The following TBC1D4 variants were observed in gnomAD, a reference collection of about 807,000 sequenced individuals.
The protein encoded by TBC1D4 is TBC1 domain family member 4.
In TBC1D4, 121 loss-of-function variants were observed where a neutral mutation model predicts 142.5. The observed-to-expected ratio is 0.85, with a 90% CI of 0.73 to 0.99. The LOEUF is 0.99. Among genes scored for constraint, TBC1D4 ranks in the 50% least tolerant of loss-of-function variants. TBC1D4 has a pLI of 0.00. For missense variants in TBC1D4, 1,475 were observed against 1,606.6 expected, an observed-to-expected ratio of 0.92 and a Z score of 1.40; for synonymous variants, 630 against 628.2, an observed-to-expected ratio of 1.00 and a Z score of -0.04.
chr13:75,407,224 T>C (rs896358376), intron 1 of TBC1D4, among the ~76,000 whole-genome samples: 3 of 152,228 alleles, frequency 2.0e-5, no homozygotes, highest in African/African-American at 7.2e-5. Context: ...CCAAGAATAT[T>C]TATCTGAGTG....
Position 75,481,758 on chromosome 13 carries a change from G to A in TBC1D4, c.10C>T (p.Pro4Ser). The stretch of plus-strand genomic sequence containing the variant: ...AACGGCTCATCCTGAATGCAGCTGG[G>A]CGGCTCCATAACTCTCGCCTCACCA... MEP[P>S]SCIQDEPFPH... Residue 4 changes from proline (P) to serine (S), a missense_variant, in exon 1 of 21, where the codon CCC (proline) becomes TCC (serine). Pro to Ser is a moderately conservative substitution (Grantham distance 74, BLOSUM62 -1). Around this residue, in one of 2 missense-constraint regions of TBC1D4, gnomAD observed 1,227 missense variants for 1,267.7 expected, o/e 0.97. Transcript: ENST00000377636. 1 of 1,584,846 alleles carries A rather than the reference G, an allele frequency of 6.3e-7. No individual in the cohort carries two copies. The highest frequency in any genetic ancestry group is 1.1e-5 in the South Asian group (1 of 87,148).
At chr13:75,345,456 A>G (rs1267576637) in intron 5 of TBC1D4, among the ~76,000 whole-genome samples, 3 of 152,228 alleles carry the variant, frequency 2.0e-5, no homozygotes, top group Non-Finnish European at 4.4e-5. Context: ...GTGACTCACA[A>G]GTCCTTCTTT....
chr13:75,455,582 CTTTT>C (rs1344279123), intron 1 of TBC1D4, among the ~76,000 whole-genome samples: 1 of 151,964 alleles, frequency 6.6e-6, no homozygotes, highest in Non-Finnish European at 1.5e-5. Flanking sequence ...AAAATATATA[CTTTT>C]TTTAATTCAC....
chr13:75,357,082 G>C (rs992449614), intron 3 of TBC1D4, among the ~76,000 whole-genome samples: 2 of 152,164 alleles, frequency 1.3e-5, no homozygotes, highest in African/African-American at 4.8e-5. Flanking sequence ...ATGTGATATT[G>C]CGCTGGGTTG....
chr13:75,360,078 G>A (rs1882377144), intron 2 of TBC1D4, among the ~76,000 whole-genome samples: 1 of 139,234 alleles, frequency 7.2e-6, no homozygotes, highest in Non-Finnish European at 1.6e-5. Flanking sequence ...TGAAAATTAA[G>A]TTAGTCTTCA....
At chr13:75,403,178 G>C (rs1346031862) in intron 1 of TBC1D4, among the ~76,000 whole-genome samples, 1 of 152,198 alleles carries the variant, frequency 6.6e-6, no homozygotes, top group Non-Finnish European at 1.5e-5. Context: ...GGTACCAGGA[G>C]ATCCTGGGTC....
At chr13:75,373,792 T>A (rs892820541) in intron 1 of TBC1D4, among the ~76,000 whole-genome samples, 1 of 152,190 alleles carries the variant, frequency 6.6e-6, no homozygotes, top group African/African-American at 2.4e-5. Context: ...GAAAAGGCAT[T>A]TTCAGAGCTG....
intron 15 of TBC1D4, among the ~76,000 whole-genome samples, chr13:75,304,728 C>T (rs1041444203): frequency 1.3e-5 from 2 of 150,434 alleles, no homozygotes; most frequent in Non-Finnish European, 1.5e-5. Flanking sequence ...GAGGAAAGGG[C>T]GGAAGAAAGA....
intron 1 of TBC1D4, among the ~76,000 whole-genome samples, chr13:75,449,453 C>A (rs1427610800): frequency 6.6e-6 from 1 of 152,054 alleles, no homozygotes; most frequent in Non-Finnish European, 1.5e-5. Flanking sequence ...TGTGGTCTCT[C>A]TCTCAAAATA....
At chr13:75,357,442 C>T (rs56029947) in intron 3 of TBC1D4, among the ~76,000 whole-genome samples, 1 of 152,144 alleles carries the variant, frequency 6.6e-6, no homozygotes, top group Non-Finnish European at 1.5e-5. Flanking sequence ...TCCTCATCTG[C>T]TTTCCTCTGG....
intron 1 of TBC1D4, among the ~76,000 whole-genome samples, chr13:75,451,082 T>C (rs1038223138): frequency 6.6e-6 from 1 of 152,190 alleles, no homozygotes; most frequent in Admixed American, 6.5e-5. Flanking sequence ...AATTGATCTA[T>C]TACCATTTCT....
chr13:75,384,115 A>G (rs1293738963), intron 1 of TBC1D4, among the ~76,000 whole-genome samples: 1 of 151,762 alleles, frequency 6.6e-6, no homozygotes, highest in Non-Finnish European at 1.5e-5. Flanking sequence ...TAATAATAAT[A>G]ATGATAAAAA....
At chr13:75,375,322 T>G (rs1360567735) in intron 1 of TBC1D4, among the ~76,000 whole-genome samples, 6 of 152,186 alleles carry the variant, frequency 3.9e-5, no homozygotes, top group Admixed American at 3.9e-4. Flanking sequence ...TGGGGGCCAC[T>G]CCCAGGGTCC....
chr13:75,360,329 C>G (rs1882402435), intron 2 of TBC1D4, among the ~76,000 whole-genome samples: 1 of 151,962 alleles, frequency 6.6e-6, no homozygotes, highest in South Asian at 2.1e-4. Flanking sequence ...AAAAAAAGAA[C>G]AAATCTGATA....
intron 1 of TBC1D4, among the ~76,000 whole-genome samples, chr13:75,401,962 A>T (rs184472100): frequency 6.6e-6 from 1 of 152,240 alleles, no homozygotes; most frequent in Non-Finnish European, 1.5e-5. Flanking sequence ...CTTTTGCTGA[A>T]GTGAACACTT....
At chr13:75,442,728 G>T (rs9593077) in intron 1 of TBC1D4, among the ~76,000 whole-genome samples, 13 of 151,206 alleles carry the variant, frequency 8.6e-5, no homozygotes, top group Non-Finnish European at 1.6e-4. Flanking sequence ...GCAGTGAGCC[G>T]AGATCGCGCC....
At chr13:75,300,828 T>C (rs1278508203) in intron 16 of TBC1D4, among the ~76,000 whole-genome samples, 14 of 152,212 alleles carry the variant, frequency 9.2e-5, no homozygotes, top group Admixed American at 9.2e-4. Flanking sequence ...ACAGATTTGC[T>C]TGGGAACATA....
intron 13 of TBC1D4, 96 bp from the exon 14 acceptor site, chr13:75,310,247 T>G: frequency 7.8e-7 from 1 of 1,281,324 alleles, no homozygotes; most frequent in South Asian, 1.3e-5. Flanking sequence ...CTTCTACACT[T>G]AAAAATGTCA....
chr13:75,313,447 G>T (rs1877981070), intron 12 of TBC1D4, among the ~76,000 whole-genome samples: 1 of 152,140 alleles, frequency 6.6e-6, no homozygotes. Flanking sequence ...ATTATTGGTA[G>T]GTGATATACT....
Sources: gnomAD v4.1 joint callset for allele counts (sites outside exome capture counted in the v4.1 genomes callset) on GRCh38, gnomAD v4.1.1 for gene constraint, gnomAD v4.1.1 regional missense constraint, MANE v1.5 for transcripts, NCBI Gene and HGNC (gene_info 2026-07-23, HGNC 2026-07-21) for gene names.